The following SSR4 variants were observed in gnomAD, a reference collection of about 807,000 sequenced individuals.
SSR4 encodes signal sequence receptor subunit 4, also known as translocon-associated protein subunit delta.
For missense variants in SSR4, 125 were observed against 148.8 expected (o/e 0.84, Z 0.83); for synonymous variants, 84 against 65.6 (o/e 1.28, Z -1.35).
chrX:153,797,398 G>A lies in SSR4; in HGVS notation c.187-60G>A, dbSNP rs41301321. 53,570 of 1,047,681 alleles carry A rather than the reference G, an allele frequency of 0.051. 1,141 individuals are homozygous for A. Among genetic ancestry groups the A allele is most frequent in the Non-Finnish European group, 0.059 (44,058 of 747,632 alleles). 86.3% of individuals were successfully genotyped at this position (1,047,681 alleles called of 1,213,427 possible). A position where few individuals can be genotyped will look rare whatever the true frequency, so the allele number is the denominator to read the frequency against. ...GCAGGCCGTGTGAGCAGCGCACAGGGCTCCTCTGCCCACACCCAGAGGGGG... is the reference window on the plus strand; with the variant it reads ...GCAGGCCGTGTGAGCAGCGCACAGGACTCCTCTGCCCACACCCAGAGGGGG... On this transcript the variant is annotated intron_variant, in intron 2 of 5. Coordinates refer to ENST00000370086, the MANE Select transcript of SSR4 (RefSeq NM_006280.3).
At chrX:153,797,209 C>T (rs1348068124) in intron 2 of SSR4, 10 of 409,097 alleles carry the variant, frequency 2.4e-5, no homozygotes, top group Non-Finnish European at 3.4e-5. Flanking sequence ...TGCTCACAGT[C>T]AACAGGGTTC....
At chrX:153,794,497 G>A (rs1248048290), upstream of SSR4, 15 of 1,155,791 alleles carry the variant, frequency 1.3e-5, no homozygotes, top group Middle Eastern at 2.3e-4. Flanking sequence ...GCCATGTTGA[G>A]GGGGGGACCG....
At chrX:153,796,001 C>G in intron 1 of SSR4, 1 of 281,773 alleles carries the variant, frequency 3.5e-6, no homozygotes, top group Non-Finnish European at 4.9e-6. Context: ...CTTGAAAGCC[C>G]CAGTGCATTG....
intron 4 of SSR4, 68 bp from the exon 5 acceptor site, chrX:153,798,003 C>A (rs1298748068): frequency 7.3e-6 from 5 of 686,265 alleles, no homozygotes; most frequent in South Asian, 6.7e-5. Context: ...CTGTCTTTCC[C>A]CTCCCCTCCC....
intron 4 of SSR4, 116 bp from the exon 5 acceptor site, chrX:153,797,955 C>T (rs1603258438): frequency 1.1e-6 from 1 of 932,729 alleles, no homozygotes; most frequent in Non-Finnish European, 1.5e-6. Flanking sequence ...GCCCATTTCT[C>T]TCCTTTCCTT....
chrX:153,795,970 G>A (rs1414574043), intron 1 of SSR4: 1 of 433,404 alleles, frequency 2.3e-6, no homozygotes, highest in Non-Finnish European at 2.9e-6. Context: ...ACTGGCCGGG[G>A]GCAGAGACCC....
upstream of SSR4, chrX:153,794,643 G>A (rs782662159): frequency 9.9e-6 from 12 of 1,211,283 alleles, no homozygotes; most frequent in East Asian, 2.4e-4. Context: ...TGCCCCTCGT[G>A]TTCATGGGAG....
upstream of SSR4, chrX:153,794,501 G>T (rs1395676614): frequency 3.4e-6 from 4 of 1,159,728 alleles, no homozygotes; most frequent in Non-Finnish European, 4.6e-6. Context: ...TGTTGAGGGG[G>T]GGACCGCGAC....
intron 1 of SSR4, 70 bp from the exon 2 acceptor site, chrX:153,796,364 G>A (rs2092141123): frequency 3.8e-6 from 3 of 783,793 alleles, no homozygotes; most frequent in Admixed American, 2.2e-5. Flanking sequence ...AGGCAGGGCC[G>A]GGCCATCCTG....
At chrX:153,798,234 AGCATGTC>A in intron 5 of SSR4, 88 bp from the exon 6 acceptor site, 1 of 1,176,614 alleles carries the variant, frequency 8.5e-7, no homozygotes, top group East Asian at 3.0e-5. Context: ...GTGATTGGCC[AGCATGTC>A]TTGGTTCCCC....
At chrX:153,796,117 C>CG in intron 1 of SSR4, 1 of 241,324 alleles carries the variant, frequency 4.1e-6, no homozygotes. Context: ...CCCGGGCCTC[C>CG]GTGTCATAGG....
intron 1 of SSR4, 172 bp from the exon 2 acceptor site, chrX:153,796,262 T>A: frequency 2.3e-6 from 1 of 433,339 alleles, no homozygotes; most frequent in South Asian, 3.5e-5. Context: ...ACGTTGCCAT[T>A]GCATTTGTGA....
At position 153,797,784 on chromosome X, in the gene SSR4, C is replaced by G. The variant is rs1417866941; in HGVS notation, c.321C>G (p.Phe107Leu). The G allele has an allele frequency of 1.7e-6, 2 of 1,208,170 alleles. No individual in the cohort carries two copies. Among genetic ancestry groups the G allele is most frequent in the East Asian group, 5.9e-5 (2 of 33,776 alleles). The change falls in exon 4 of 6, where the codon TTC (phenylalanine) becomes TTG (leucine). Residue 107 changes from phenylalanine (F) to leucine (L), a missense_variant. Phe to Leu is a conservative substitution (Grantham distance 22). Coordinates refer to ENST00000370086, the MANE Select transcript of SSR4 (RefSeq NM_006280.3). ...AHAGTYEVRF[F>L]DEESYSLLRK... The stretch of plus-strand genomic sequence containing the variant: ...CAGGCACCTATGAGGTTAGATTCTT[C>G]GACGAGGAGTCCTACAGCCTCCTCA...
At chrX:153,795,753 G>A in intron 1 of SSR4, 1 of 755,004 alleles carries the variant, frequency 1.3e-6, no homozygotes, top group Non-Finnish European at 1.6e-6. Context: ...TTGGACAGCG[G>A]GTGGCTGAGA....
intron 2 of SSR4, chrX:153,796,887 G>C (rs1200849120): frequency 4.2e-5 from 10 of 236,053 alleles, no homozygotes; most frequent in African/African-American, 2.3e-4. Context: ...TTTGTTTTTT[G>C]TTTGTTTTTT....
At chrX:153,796,315 C>A in intron 1 of SSR4, 119 bp from the exon 2 acceptor site, 1 of 508,395 alleles carries the variant, frequency 2.0e-6, no homozygotes, top group South Asian at 2.9e-5. Flanking sequence ...CTGGAAGGGG[C>A]AGGAAGAGCG....
chrX:153,794,289 GCGGCGCTGCCGGCGA>G (rs781908617), upstream of SSR4: 1 of 1,199,343 alleles, frequency 8.3e-7, no homozygotes, highest in Non-Finnish European at 1.1e-6. Context: ...CACCGCCTTC[GCGGCGCTGCCGGCGA>G]CGGTCGCTAC....
chrX:153,798,288 C>T (rs1557073284), intron 5 of SSR4, 41 bp from the exon 6 acceptor site: 1 of 1,197,359 alleles, frequency 8.4e-7, no homozygotes, highest in South Asian at 1.8e-5. Flanking sequence ...GTCTGCTCAC[C>T]TGTACTCCCC....
chrX:153,794,257 G>A (rs782398547), upstream of SSR4: 1 of 1,195,509 alleles, frequency 8.4e-7, no homozygotes, highest in Non-Finnish European at 1.1e-6. Context: ...TCCCAGGGAC[G>A]GCAGAGAAGG....
Sources: allele counts gnomAD v4.1 joint callset, GRCh38; gene constraint gnomAD v4.1.1; transcripts MANE v1.5; gene names NCBI Gene and HGNC (gene_info 2026-07-23, HGNC 2026-07-21).